RRP15: variants seen among roughly 807,000 people sequenced by gnomAD.
RRP15 encodes RRP15-like protein.
RRP15 carries 18 observed loss-of-function variants against 27.1 expected under a neutral mutation model. The ratio of observed to expected loss-of-function variants is 0.66; its 90% CI spans 0.46 to 0.98. RRP15 has a LOEUF of 0.98. Among genes scored for constraint, RRP15 ranks in the 50% least tolerant of loss-of-function variants. The probability of loss-of-function intolerance (pLI) is 0.00; values close to 1 mark genes in which losing one functional copy is unlikely to be tolerated. For missense variants in RRP15, 359 were observed against 337.8 expected (o/e 1.06, Z -0.49); for synonymous variants, 107 against 109.4 (o/e 0.98, Z 0.14).
intron 4 of RRP15, among the ~76,000 whole-genome samples, chr1:218,328,213 G>A (rs1656305037): frequency 6.6e-6 from 1 of 152,170 alleles, no homozygotes; most frequent in African/African-American, 2.4e-5. Context: ...TGAGTAAAAC[G>A]TTGTACTTAG....
At chr1:218,317,893 G>A (rs1656115220) in intron 4 of RRP15, among the ~76,000 whole-genome samples, 3 of 151,478 alleles carry the variant, frequency 2.0e-5, no homozygotes, top group African/African-American at 4.9e-5. Context: ...CATTAGGCCC[G>A]GTTGATTTAA....
chr1:218,315,467 G>A (rs904839510), intron 4 of RRP15, among the ~76,000 whole-genome samples: 2 of 152,124 alleles, frequency 1.3e-5, no homozygotes. Context: ...TCACTCTGTC[G>A]CCCAGGTGGG....
intron 4 of RRP15, among the ~76,000 whole-genome samples, chr1:218,315,673 C>T (rs920433092): frequency 2.0e-5 from 3 of 151,170 alleles, no homozygotes; most frequent in Middle Eastern, 3.2e-3. Context: ...GGCTGGTCTC[C>T]TCGAACTCCT....
intron 1 of RRP15, 32 bp from the exon 2 acceptor site, chr1:218,302,262 G>C: frequency 6.4e-7 from 1 of 1,574,698 alleles, no homozygotes; most frequent in South Asian, 1.1e-5. Flanking sequence ...GGATATTAAA[G>C]TTTAATTTGC....
intron 1 of RRP15, among the ~76,000 whole-genome samples, chr1:218,294,819 C>T (rs1053555190): frequency 6.6e-6 from 1 of 152,148 alleles, no homozygotes; most frequent in Non-Finnish European, 1.5e-5. Flanking sequence ...CAGCCCTGAT[C>T]CTGAAGCTGC....
chr1:218,300,338 C>T (rs1355514328), intron 1 of RRP15, among the ~76,000 whole-genome samples: 1 of 151,874 alleles, frequency 6.6e-6, no homozygotes, highest in Middle Eastern at 3.2e-3. Context: ...TACTCATGCT[C>T]GAGGTTCATT....
At chr1:218,328,143 C>T (rs1207029198) in intron 4 of RRP15, among the ~76,000 whole-genome samples, 1 of 152,166 alleles carries the variant, frequency 6.6e-6, no homozygotes, top group Non-Finnish European at 1.5e-5. Context: ...AACCAAGAAA[C>T]AAAAACATCA....
chr1:218,293,399 GT>G (rs1655674894), intron 1 of RRP15, among the ~76,000 whole-genome samples: 1 of 152,158 alleles, frequency 6.6e-6, no homozygotes, highest in Non-Finnish European at 1.5e-5. Context: ...AAACTATTAA[GT>G]TATCAAAAAC....
intron 1 of RRP15, among the ~76,000 whole-genome samples, chr1:218,296,949 T>A (rs1655726313): frequency 2.0e-5 from 3 of 152,204 alleles, no homozygotes; most frequent in African/African-American, 2.4e-5. Flanking sequence ...CTCTCTTCTC[T>A]GTTCCCCAGG....
intron 4 of RRP15, among the ~76,000 whole-genome samples, chr1:218,321,540 G>A (rs1417662822): frequency 6.6e-6 from 1 of 152,064 alleles, no homozygotes; most frequent in African/African-American, 2.4e-5. Flanking sequence ...TTATCTTATA[G>A]CTATAACCAG....
rs1007765684 is a variant in RRP15 at position 218,312,263 on chromosome 1, TTTTC to T, written c.705+4643_705+4646del. 1.2e-3 allele frequency among the ~76,000 whole-genome samples: 187 copies of T among 151,392 alleles called. 3 individuals are homozygous for T. In the East Asian group the frequency reaches 0.022, roughly 18 times the overall value. Reference sequence around the variant, plus strand: ...TTCTCTCAGAAGTTTGAGAGAAATTTTTTCTTTCTTTCTTTTTTCTTTTTTTTTT... The same window carrying T: ...TTCTCTCAGAAGTTTGAGAGAAATTTTTTCTTTCTTTTTTCTTTTTTTTTT... On this transcript the variant is annotated intron_variant, in intron 4 of 4. Coordinates refer to ENST00000366932, the MANE Select transcript of RRP15 (RefSeq NM_016052.4).
At chr1:218,296,237 G>A (rs1655717204) in intron 1 of RRP15, among the ~76,000 whole-genome samples, 2 of 152,160 alleles carry the variant, frequency 1.3e-5, no homozygotes, top group Admixed American at 6.5e-5. Context: ...ACAAAACTTT[G>A]TAGTGTCTCA....
In RRP15 at chr1:218,336,376, C is replaced by G. The variant is rs1032454958; in HGVS notation, c.*5285C>G. ...AGTTTCTCTAACCCTGAATCATTAT[C>G]CTGCATTTTTAATGCAATCGGTTCA... is the stretch of plus-strand genomic sequence containing the variant. On this transcript the variant is annotated 3_prime_UTR_variant, in exon 5 of 5. Transcript: ENST00000366932. 1 of 152,578 alleles carries G rather than the reference C, an allele frequency of 6.6e-6. No individual in the cohort carries two copies. The highest frequency in any genetic ancestry group is 1.9e-4 in the East Asian group (1 of 5,192). The allele number at this position is 152,578 out of a possible 1,614,324, so 9.5% of individuals were successfully genotyped here. A position where few individuals can be genotyped will look rare whatever the true frequency, so the allele number is the denominator to read the frequency against.
chr1:218,307,590 A>G lies in RRP15; in HGVS notation c.663A>G (p.Thr221=). Residue 221 remains threonine (T), a synonymous_variant, in exon 4 of 5, where the codon ACA becomes ACG. Coordinates refer to ENST00000366932, the MANE Select transcript of RRP15 (RefSeq NM_016052.4). ...ISVLRGMDGS[T]NETASSRKKP... is the part of the protein sequence containing the mutation. ...TTTTGAGAGGGATGGATGGAAGTAC[A>G]AATGAGACTGCTTCAAGCAGGAAGA... 1.2e-6 allele frequency: 2 copies of G among 1,614,058 alleles called. No individual in the cohort carries two copies. Among genetic ancestry groups the G allele is most frequent in the Non-Finnish European group, 1.7e-6 (2 of 1,179,970 alleles).
Position 218,286,006 on chromosome 1 carries a change from T to A in RRP15, c.139+551T>A, listed in dbSNP as rs548777514. 3.6e-4 allele frequency among the ~76,000 whole-genome samples: 55 copies of A among 152,124 alleles called. 1 individual carries two copies. In the South Asian group the frequency reaches 0.011, roughly 29 times the overall value. On this transcript the variant is annotated intron_variant, in intron 1 of 4. Transcript: ENST00000366932. Reference sequence around the variant, plus strand: ...GATAATAAAAGGAAGGAAGGATGTGTTTTTGAGGCTTTCAACCATGCTGTG... The same window carrying A: ...GATAATAAAAGGAAGGAAGGATGTGATTTTGAGGCTTTCAACCATGCTGTG...
At chr1:218,305,739 C>G (rs57602988) in intron 3 of RRP15, among the ~76,000 whole-genome samples, 12,756 of 152,046 alleles carry the variant, frequency 0.084, 968 homozygotes, top group African/African-American at 0.21. Flanking sequence ...GCTAAAGAAC[C>G]TAGCAGTTAT....
At chr1:218,301,820 A>T (rs1187668152) in intron 1 of RRP15, 1 of 152,510 alleles carries the variant, frequency 6.6e-6, no homozygotes, top group Non-Finnish European at 1.5e-5. Context: ...AATTTTAAAT[A>T]TCTGGGACAA....
chr1:218,325,203 C>A (rs185821182), intron 4 of RRP15, among the ~76,000 whole-genome samples: 1 of 152,330 alleles, frequency 6.6e-6, no homozygotes, highest in African/African-American at 2.4e-5. Flanking sequence ...AGCATGCCGT[C>A]CCACGGAGTC....
At chr1:218,309,659 G>A (rs1655959583) in intron 4 of RRP15, among the ~76,000 whole-genome samples, 1 of 144,186 alleles carries the variant, frequency 6.9e-6, no homozygotes, top group African/African-American at 2.6e-5. Context: ...CTCCAGCCTG[G>A]GTGACAGAGA....
Sources: gnomAD v4.1 joint callset for allele counts (sites outside exome capture counted in the v4.1 genomes callset) on GRCh38, gnomAD v4.1.1 for gene constraint, MANE v1.5 for transcripts, NCBI Gene and HGNC (gene_info 2026-07-23, HGNC 2026-07-21) for gene names.